The following RCL1 variants were observed in gnomAD, a reference collection of about 807,000 sequenced individuals.
The protein encoded by RCL1 is RNA 3'-terminal phosphate cyclase-like protein.
In RCL1, 24 loss-of-function variants were observed where a neutral mutation model predicts 42.4. The ratio of observed to expected loss-of-function variants is 0.57; its 90% CI spans 0.41 to 0.80. The LOEUF (loss-of-function observed/expected upper bound fraction) is 0.80, where lower values mean the gene tolerates loss of function less well. RCL1 is among the 30% of genes least tolerant of loss of function. The pLI is 0.00. For missense variants in RCL1, 578 were observed against 467.9 expected (o/e 1.24, Z -2.17); for synonymous variants, 228 against 177.3 (o/e 1.29, Z -2.27).
intron 8 of RCL1, chr9:4,850,493 CTTTTTTT>C (rs35181848): frequency 3.0e-4 from 41 of 136,958 alleles, no homozygotes; most frequent in African/African-American, 1.4e-3. Context: ...TTTTTTTTTT[CTTTTTTT>C]TTTTTTTTTT....
Position 4,820,390 on chromosome 9 carries a change from C to G in RCL1, c.137-3158C>G, listed in dbSNP as rs546649390. ...TGTTGCCAGGGCTCCGGAACTAGCT[C>G]TGAGTCTGCTTCTTTGAAGTGCTGC... is the stretch of plus-strand genomic sequence containing the variant. On this transcript the variant is annotated intron_variant, in intron 1 of 8. Transcript: ENST00000381750. Among the ~76,000 whole-genome samples, 8 of 152,306 alleles carry G rather than the reference C, an allele frequency of 5.3e-5. No individual in the cohort carries two copies. The South Asian group carries it at 1.7e-3, about 32-fold the overall frequency.
chr9:4,809,737 C>G (rs1052285173), intron 1 of RCL1, among the ~76,000 whole-genome samples: 1 of 152,152 alleles, frequency 6.6e-6, no homozygotes, highest in Admixed American at 6.5e-5. Flanking sequence ...GTATTGATAT[C>G]TTCTTTTACT....
At chr9:4,833,782 G>A (rs1817028210) in intron 4 of RCL1, among the ~76,000 whole-genome samples, 1 of 152,080 alleles carries the variant, frequency 6.6e-6, no homozygotes, top group Non-Finnish European at 1.5e-5. Context: ...ATAATGTTTT[G>A]GTAGATCCGT....
intron 8 of RCL1, among the ~76,000 whole-genome samples, chr9:4,852,496 G>A (rs1817785374): frequency 6.6e-6 from 1 of 152,252 alleles, no homozygotes. Context: ...CAGTGCACAA[G>A]TCTTGGAGTC....
At chr9:4,827,731 A>AGTGTGTGTGT (rs71326142) in intron 3 of RCL1, among the ~76,000 whole-genome samples, 4,625 of 147,552 alleles carry the variant, frequency 0.031, 104 homozygotes, top group Non-Finnish European at 0.045. Context: ...TCTAGGATGA[A>AGTGTGTGTGT]GTGTGTGTGT....
At chr9:4,799,816 C>T (rs1842969407) in intron 1 of RCL1, among the ~76,000 whole-genome samples, 1 of 152,128 alleles carries the variant, frequency 6.6e-6, no homozygotes, top group African/African-American at 2.4e-5. Context: ...TGCTTGCTAC[C>T]TTCCTTGGAT....
At chr9:4,802,627 T>C (rs544782482) in intron 1 of RCL1, among the ~76,000 whole-genome samples, 1 of 134,992 alleles carries the variant, frequency 7.4e-6, no homozygotes, top group South Asian at 2.3e-4. Flanking sequence ...AAAATGTTCA[T>C]TTTTTTTTAC....
At chr9:4,808,856 T>G (rs1044043290) in intron 1 of RCL1, among the ~76,000 whole-genome samples, 6 of 152,220 alleles carry the variant, frequency 3.9e-5, no homozygotes, top group African/African-American at 1.4e-4. Flanking sequence ...CAAAGAAGTT[T>G]TTGATTTCAT....
At chr9:4,795,475 G>T (rs1259796688) in intron 1 of RCL1, among the ~76,000 whole-genome samples, 2 of 152,166 alleles carry the variant, frequency 1.3e-5, no homozygotes, top group East Asian at 3.8e-4. Context: ...ATACATGTAA[G>T]TGTATATACA....
intron 5 of RCL1, among the ~76,000 whole-genome samples, chr9:4,837,135 T>C (rs1039161614): frequency 3.9e-5 from 6 of 152,160 alleles, no homozygotes; most frequent in African/African-American, 1.2e-4. Flanking sequence ...TACAAAGAAA[T>C]GGAAATGCAA....
chr9:4,848,132 T>A (rs905565432), intron 7 of RCL1, among the ~76,000 whole-genome samples: 3 of 152,246 alleles, frequency 2.0e-5, no homozygotes, highest in African/African-American at 7.2e-5. Context: ...GGCTGTCTTA[T>A]GAAAGGGAGC....
At position 4,837,435 on chromosome 9, in the gene RCL1, T is replaced by C. The variant is rs187413582; in HGVS notation, c.584+3170T>C. Among the ~76,000 whole-genome samples the C allele has an allele frequency of 8.5e-5, 13 of 152,296 alleles. No homozygotes were observed. In the East Asian group the frequency reaches 2.3e-3, roughly 27 times the overall value. On this transcript the variant is annotated intron_variant, in intron 5 of 8. Transcript: ENST00000381750. ...CACTTTCAGTACTATTTTGGGTTTGTCTGGGGGGTAGTTGTTTTTTTTCCT... is the reference window on the plus strand; with the variant it reads ...CACTTTCAGTACTATTTTGGGTTTGCCTGGGGGGTAGTTGTTTTTTTTCCT...
intron 3 of RCL1, chr9:4,827,305 T>C: frequency 8.4e-7 from 1 of 1,195,842 alleles, no homozygotes; most frequent in Non-Finnish European, 1.1e-6. Context: ...CTCATCATAG[T>C]TGACATGAAC....
At chr9:4,815,703 A>G (rs1195445014) in intron 1 of RCL1, among the ~76,000 whole-genome samples, 1 of 151,878 alleles carries the variant, frequency 6.6e-6, no homozygotes, top group Non-Finnish European at 1.5e-5. Flanking sequence ...TTCTAATTCC[A>G]GGATAGTGTA....
intron 6 of RCL1, among the ~76,000 whole-genome samples, chr9:4,843,880 G>A (rs1817417273): frequency 6.6e-6 from 1 of 152,216 alleles, no homozygotes. Flanking sequence ...GTCCCATGAT[G>A]ATAGGTGGAT....
At chr9:4,832,851 T>C (rs2131012713) in intron 3 of RCL1, among the ~76,000 whole-genome samples, 1 of 152,072 alleles carries the variant, frequency 6.6e-6, no homozygotes. Flanking sequence ...CCATTTGTTT[T>C]CTACAACAGT....
intron 8 of RCL1, among the ~76,000 whole-genome samples, chr9:4,852,007 G>A (rs886648342): frequency 2.6e-5 from 4 of 151,618 alleles, no homozygotes; most frequent in East Asian, 1.9e-4. Context: ...TCAGCCTCCC[G>A]AGTAGCTGGG....
At chr9:4,828,468 A>G (rs1816840696) in intron 3 of RCL1, among the ~76,000 whole-genome samples, 2 of 152,174 alleles carry the variant, frequency 1.3e-5, no homozygotes, top group South Asian at 4.1e-4. Flanking sequence ...TCCCTGGGAT[A>G]CTGAGTATAG....
Position 4,854,170 on chromosome 9 carries a change from C to T in RCL1, c.971+4620C>T, listed in dbSNP as rs897410382. ...AGATAAAAAAGAGGTCACTGACCTG[C>T]TTATGGTGAGATCCTGTCTGAACTG... On this transcript the variant is annotated intron_variant, in intron 8 of 8. Coordinates refer to ENST00000381750, the MANE Select transcript of RCL1 (RefSeq NM_005772.5). 9.2e-5 allele frequency among the ~76,000 whole-genome samples: 14 copies of T among 152,276 alleles called. No homozygotes were observed. In the South Asian group the frequency reaches 1.0e-3, roughly 11 times the overall value.
Sources: gnomAD v4.1 joint callset for allele counts (sites outside exome capture counted in the v4.1 genomes callset) on GRCh38, gnomAD v4.1.1 for gene constraint, MANE v1.5 for transcripts, NCBI Gene and HGNC (gene_info 2026-07-23, HGNC 2026-07-21) for gene names.